The following CDKAL1 variants were observed in gnomAD, a reference collection of about 807,000 sequenced individuals.
CDKAL1 encodes the protein threonylcarbamoyladenosine tRNA methylthiotransferase.
CDKAL1 carries 32 observed loss-of-function variants against 68.2 expected under a neutral mutation model. That is an observed-to-expected ratio of 0.47 (90% CI 0.35 to 0.63). The LOEUF is 0.63. Among genes scored for constraint, CDKAL1 ranks in the 30% least tolerant of loss-of-function variants. The pLI is 0.00. For synonymous variants in CDKAL1, 234 were observed against 244.3 expected (o/e 0.96, Z 0.39); for missense variants, 606 against 696.7 (o/e 0.87, Z 1.47).
chr6:21,145,703 C>T (rs1582295980), intron 13 of CDKAL1, among the ~76,000 whole-genome samples: 1 of 152,212 alleles, frequency 6.6e-6, no homozygotes, highest in East Asian at 1.9e-4. Flanking sequence ...TGCACGGCTG[C>T]CAACCTGGAT....
intron 8 of CDKAL1, among the ~76,000 whole-genome samples, chr6:20,788,670 AT>A (rs1309727151): frequency 1.3e-5 from 2 of 152,192 alleles, no homozygotes; most frequent in Non-Finnish European, 2.9e-5. Flanking sequence ...ACATTAATAC[AT>A]ATTTTCTTTC....
intron 9 of CDKAL1, among the ~76,000 whole-genome samples, chr6:20,928,874 T>C (rs1044655874): frequency 3.9e-5 from 6 of 152,182 alleles, no homozygotes; most frequent in South Asian, 2.1e-4. Context: ...TACTGTAGAA[T>C]TGAAAAAAAT....
chr6:20,880,247 G>T (rs1304411032), intron 9 of CDKAL1, among the ~76,000 whole-genome samples: 1 of 130,836 alleles, frequency 7.6e-6, no homozygotes, highest in African/African-American at 2.9e-5. Flanking sequence ...TTCCATCAAA[G>T]AAACTACATT....
intron 13 of CDKAL1, among the ~76,000 whole-genome samples, chr6:21,139,415 TCATCAA>T (rs1775787125): frequency 1.3e-5 from 2 of 152,238 alleles, no homozygotes; most frequent in African/African-American, 4.8e-5. Flanking sequence ...TTATTCCTGG[TCATCAA>T]CATGTCCCAG....
chr6:20,676,699 AAATAAAAT>A (rs1169238016), intron 5 of CDKAL1, among the ~76,000 whole-genome samples: 1 of 81,606 alleles, frequency 1.2e-5, no homozygotes, highest in Non-Finnish European at 2.6e-5. Context: ...ATAAATAAAT[AAATAAAAT>A]AAAATAAAAT....
At chr6:20,686,465 T>C (rs967579807) in intron 5 of CDKAL1, among the ~76,000 whole-genome samples, 8 of 152,222 alleles carry the variant, frequency 5.3e-5, no homozygotes, top group Non-Finnish European at 8.8e-5. Flanking sequence ...TGCCTGATGA[T>C]CTGTCACTGT....
At chr6:20,631,651 A>T (rs1344483008) in intron 4 of CDKAL1, among the ~76,000 whole-genome samples, 2 of 152,190 alleles carry the variant, frequency 1.3e-5, no homozygotes, top group Non-Finnish European at 2.9e-5. Context: ...TTAGAACCTC[A>T]GCTTGCCAGG....
intron 5 of CDKAL1, among the ~76,000 whole-genome samples, chr6:20,735,701 C>G (rs977672417): frequency 2.0e-5 from 3 of 152,170 alleles, no homozygotes; most frequent in African/African-American, 7.2e-5. Context: ...TATTTCATGT[C>G]ACGAGAACAT....
intron 9 of CDKAL1, among the ~76,000 whole-genome samples, chr6:20,914,247 G>A (rs1001319206): frequency 9.9e-5 from 15 of 152,144 alleles, no homozygotes; most frequent in Non-Finnish European, 1.6e-4. Flanking sequence ...CCAGGACTGT[G>A]CCACTGCACT....
intron 10 of CDKAL1, among the ~76,000 whole-genome samples, chr6:20,975,553 C>T (rs1339270704): frequency 6.6e-6 from 1 of 152,106 alleles, no homozygotes; most frequent in African/African-American, 2.4e-5. Context: ...AACATCAGGG[C>T]ATTTCTTCTC....
At chr6:20,827,709 A>C (rs1161476022) in intron 8 of CDKAL1, among the ~76,000 whole-genome samples, 1 of 152,182 alleles carries the variant, frequency 6.6e-6, no homozygotes, top group African/African-American at 2.4e-5. Flanking sequence ...GCAAAGTTCC[A>C]AATTGAAGAC....
chr6:20,787,680 A>C (rs1381530210), intron 8 of CDKAL1, among the ~76,000 whole-genome samples: 1 of 152,190 alleles, frequency 6.6e-6, no homozygotes, highest in Admixed American at 6.5e-5. Flanking sequence ...TAGTGTCTGG[A>C]GTGAGAGTGT....
At chr6:20,919,045 C>T (rs1430932749) in intron 9 of CDKAL1, among the ~76,000 whole-genome samples, 1 of 152,116 alleles carries the variant, frequency 6.6e-6, no homozygotes, top group African/African-American at 2.4e-5. Flanking sequence ...CGTGAGAACT[C>T]AGCAAAAACT....
At chr6:20,935,675 C>T (rs536485791) in intron 9 of CDKAL1, among the ~76,000 whole-genome samples, 6 of 152,286 alleles carry the variant, frequency 3.9e-5, no homozygotes, top group Non-Finnish European at 8.8e-5. Context: ...AGTGATCCAC[C>T]TGCCTCGGCC....
intron 13 of CDKAL1, among the ~76,000 whole-genome samples, chr6:21,194,651 CCA>C (rs1170651915): frequency 6.6e-6 from 1 of 152,180 alleles, no homozygotes; most frequent in African/African-American, 2.4e-5. Context: ...GGGTCTTTAA[CCA>C]CACACGGCTA....
At chr6:20,844,861 A>T (rs1386336883) in intron 8 of CDKAL1, among the ~76,000 whole-genome samples, 1 of 152,222 alleles carries the variant, frequency 6.6e-6, no homozygotes, top group Non-Finnish European at 1.5e-5. Flanking sequence ...GAGAAGACAT[A>T]GAACAACTGG....
intron 9 of CDKAL1, among the ~76,000 whole-genome samples, chr6:20,887,642 C>T (rs886217665): frequency 1.3e-5 from 2 of 149,028 alleles, no homozygotes; most frequent in African/African-American, 2.5e-5. Flanking sequence ...CTTGTAGGCA[C>T]GAGGGTAGGG....
At chr6:20,538,770 C>T (rs1281140862) in intron 2 of CDKAL1, among the ~76,000 whole-genome samples, 1 of 152,140 alleles carries the variant, frequency 6.6e-6, no homozygotes, top group Non-Finnish European at 1.5e-5. Flanking sequence ...AGGGGTTGGG[C>T]ATTTACTTCA....
At chr6:20,728,302 T>C (rs947943571) in intron 5 of CDKAL1, among the ~76,000 whole-genome samples, 1 of 152,300 alleles carries the variant, frequency 6.6e-6, no homozygotes, top group East Asian at 1.9e-4. Flanking sequence ...AAAATAAATA[T>C]TCATTAATGA....
Sources: allele counts gnomAD v4.1 joint callset (sites outside exome capture counted in the v4.1 genomes callset), GRCh38; gene constraint gnomAD v4.1.1; transcripts MANE v1.5; gene names NCBI Gene and HGNC (gene_info 2026-07-23, HGNC 2026-07-21).